Variants in NRG1 observed in about 807,000 individuals in gnomAD.
NRG1 encodes the protein pro-neuregulin-1, membrane-bound isoform.
NRG1 carries 18 observed loss-of-function variants against 63.8 expected under a neutral mutation model. The observed-to-expected ratio is 0.28, with a 90% CI of 0.19 to 0.42. The LOEUF (loss-of-function observed/expected upper bound fraction) is 0.42. Among genes scored for constraint, NRG1 ranks in the 10% least tolerant of loss-of-function variants. The pLI, the probability that NRG1 is intolerant of heterozygous loss-of-function variation, is 1.00. For missense variants in NRG1, 762 were observed against 814.7 expected (o/e 0.94, Z 0.79); for synonymous variants, 302 against 301.3 (o/e 1.00, Z -0.02).
intron 1 of NRG1, among the ~76,000 whole-genome samples, chr8:32,009,250 C>G (rs1814329904): frequency 6.6e-6 from 1 of 152,072 alleles, no homozygotes; most frequent in Non-Finnish European, 1.5e-5. Context: ...CATCATTCCC[C>G]TACTCCAACA....
In NRG1 at chr8:31,811,678, A is replaced by G. The variant is rs1032909277; in HGVS notation, c.37+172247A>G. Among the ~76,000 whole-genome samples, 5 of 152,284 alleles carry G rather than the reference A, an allele frequency of 3.3e-5. No homozygotes were observed. In the South Asian group the frequency reaches 8.3e-4, roughly 25 times the overall value. On this transcript the variant is annotated intron_variant, in intron 1 of 10. Transcript: ENST00000519301. ...TTGTTCTTCTCCCTTTTATATTTAG[A>G]AAATATATAAAAAATGTGGACCATG...
intron 1 of NRG1, among the ~76,000 whole-genome samples, chr8:32,416,077 A>T (rs10102442): frequency 1.0e-3 from 155 of 152,322 alleles, no homozygotes; most frequent in African/African-American, 3.7e-3. Flanking sequence ...GCCTGCTTAG[A>T]TTTAAATGAC....
At chr8:32,763,979 C>G (rs1191995913) in exon 12 of NRG1, 2 of 1,613,980 alleles carry the variant, frequency 1.2e-6, no homozygotes, top group African/African-American at 2.7e-5. Flanking sequence ...AGTTCAGCTC[C>G]TTCCACCACA....
At chr8:32,062,623 T>C (rs889106266) in intron 1 of NRG1, among the ~76,000 whole-genome samples, 1 of 152,068 alleles carries the variant, frequency 6.6e-6, no homozygotes, top group South Asian at 2.1e-4. Flanking sequence ...CCTATTTTAT[T>C]CTTTTGGAAG....
chr8:32,653,947 C>T (rs1037845150), intron 5 of NRG1, among the ~76,000 whole-genome samples: 1 of 150,268 alleles, frequency 6.7e-6, no homozygotes, highest in East Asian at 2.2e-4. Context: ...TGAATTTTAT[C>T]GTGTGTATGC....
intron 1 of NRG1, among the ~76,000 whole-genome samples, chr8:32,200,457 T>C (rs1443333622): frequency 1.3e-5 from 2 of 152,152 alleles, no homozygotes; most frequent in Non-Finnish European, 2.9e-5. Context: ...TATGTTACTT[T>C]TCTCTCATTT....
chr8:31,861,760 G>A (rs1828495239), intron 1 of NRG1, among the ~76,000 whole-genome samples: 1 of 152,150 alleles, frequency 6.6e-6, no homozygotes, highest in African/African-American at 2.4e-5. Context: ...ATCTTTGTAA[G>A]AAGTCCCAGA....
chr8:32,166,560 AC>A (rs1193078547), intron 1 of NRG1, among the ~76,000 whole-genome samples: 1 of 152,198 alleles, frequency 6.6e-6, no homozygotes, highest in Non-Finnish European at 1.5e-5. Flanking sequence ...TTGTCCACTT[AC>A]AGCAAATTTG....
rs77790764 is a variant in NRG1 at position 32,696,482 on chromosome 8, A to C, written c.503-31467A>C. Among the ~76,000 whole-genome samples the C allele has an allele frequency of 1.6e-3, 240 of 152,242 alleles. 6 individuals are homozygous for C. In the East Asian group the frequency reaches 0.04, roughly 25 times the overall value. Reference sequence around the variant, plus strand: ...CTCTGGGCTGTTCTGCATTAGAGAGAACTCAAGAGCCCTGGAAATTATAAT... The same window carrying C: ...CTCTGGGCTGTTCTGCATTAGAGAGCACTCAAGAGCCCTGGAAATTATAAT... On this transcript the variant is annotated intron_variant, in intron 5 of 11. Transcript: ENST00000356819.
intron 1 of NRG1, among the ~76,000 whole-genome samples, chr8:31,810,014 C>T (rs569566173): frequency 1.3e-5 from 2 of 152,024 alleles, no homozygotes; most frequent in Non-Finnish European, 1.5e-5. Flanking sequence ...CTTCCCTAGT[C>T]TCCCCATATC....
In NRG1 at chr8:31,923,120, T is replaced by A. The variant is rs577029073; in HGVS notation, c.37+283689T>A. ...TATTTCACCGTTAAGTATGATGTTTTAGTCTCTCTTTTCTTTTTTAGAAAC... is the reference window on the plus strand; with the variant it reads ...TATTTCACCGTTAAGTATGATGTTTAAGTCTCTCTTTTCTTTTTTAGAAAC... On this transcript the variant is annotated intron_variant, in intron 1 of 10. Transcript: ENST00000519301. Among the ~76,000 whole-genome samples, 84 of 152,340 alleles carry A rather than the reference T, an allele frequency of 5.5e-4. 1 individual carries two copies. Among genetic ancestry groups the A allele is most frequent in the African/African-American group, 2.0e-3 (82 of 41,576 alleles).
At chr8:32,005,206 G>A (rs1813577664) in intron 1 of NRG1, among the ~76,000 whole-genome samples, 1 of 151,862 alleles carries the variant, frequency 6.6e-6, no homozygotes, top group Admixed American at 6.6e-5. Flanking sequence ...AGGATGGGTA[G>A]CTGTTCTGTG....
At chr8:31,754,961 A>T (rs1816823260) in intron 1 of NRG1, among the ~76,000 whole-genome samples, 1 of 152,106 alleles carries the variant, frequency 6.6e-6, no homozygotes, top group Admixed American at 6.6e-5. Context: ...AGGGAAATTT[A>T]CGTGGAAGCT....
chr8:32,035,026 A>C (rs1818819940), intron 1 of NRG1, among the ~76,000 whole-genome samples: 1 of 151,670 alleles, frequency 6.6e-6, no homozygotes, highest in Non-Finnish European at 1.5e-5. Context: ...TAGATCCTTT[A>C]GTTGTGGTGT....
intron 1 of NRG1, among the ~76,000 whole-genome samples, chr8:32,102,241 G>T (rs1830671165): frequency 6.6e-6 from 1 of 152,142 alleles, no homozygotes; most frequent in Non-Finnish European, 1.5e-5. Flanking sequence ...AGGCTCAGGT[G>T]ATCCTCCTAC....
At chr8:31,981,931 A>G (rs1210665975) in intron 1 of NRG1, among the ~76,000 whole-genome samples, 1 of 152,030 alleles carries the variant, frequency 6.6e-6, no homozygotes, top group Non-Finnish European at 1.5e-5. Context: ...AATAATGTAC[A>G]GGAGTCATCT....
At chr8:32,243,975 A>G (rs1384009795) in intron 1 of NRG1, among the ~76,000 whole-genome samples, 1 of 152,132 alleles carries the variant, frequency 6.6e-6, no homozygotes, top group Non-Finnish European at 1.5e-5. Flanking sequence ...ATCGACGTTC[A>G]TTGTTTAAGC....
intron 1 of NRG1, among the ~76,000 whole-genome samples, chr8:31,813,516 C>CTTTTCTTTTCTTTTCTTTTCTTTTCTT: frequency 5.9e-5 from 6 of 101,214 alleles, no homozygotes; most frequent in Non-Finnish European, 9.8e-5. Flanking sequence ...CTTTTCTTTT[C>CTTTTCTTTTCTTTTCTTTTCTTTTCTT]TTTTTTTTTT....
intron 1 of NRG1, among the ~76,000 whole-genome samples, chr8:32,110,946 A>G (rs951649591): frequency 6.6e-6 from 1 of 152,132 alleles, no homozygotes; most frequent in African/African-American, 2.4e-5. Flanking sequence ...TAGAAAGTGA[A>G]AGGTACAGAA....
Sources: gnomAD v4.1 joint callset for allele counts (sites outside exome capture counted in the v4.1 genomes callset) on GRCh38, gnomAD v4.1.1 for gene constraint, MANE v1.5 for transcripts, NCBI Gene and HGNC (gene_info 2026-07-23, HGNC 2026-07-21) for gene names.